The following CDH13 variants were observed in gnomAD, a reference collection of about 807,000 sequenced individuals.
CDH13 encodes cadherin-13.
A neutral mutation model predicts 63.8 loss-of-function variants in CDH13; 24 were observed. The observed-to-expected ratio is 0.38, with a 90% confidence interval of 0.27 to 0.53. The LOEUF is 0.53. Ranked by LOEUF, CDH13 falls within the 20% of genes least tolerant of loss-of-function variation. The pLI, the probability that CDH13 is intolerant of heterozygous loss-of-function variation, is 0.85. For synonymous variants in CDH13, 503 were observed against 355.3 expected, an observed-to-expected ratio of 1.42 and a Z score of -4.67; for missense variants, 1,049 against 903.1, an observed-to-expected ratio of 1.16 and a Z score of -2.07.
chr16:83,555,672 T>A (rs572601431), intron 7 of CDH13, among the ~76,000 whole-genome samples: 1 of 152,358 alleles, frequency 6.6e-6, no homozygotes, highest in Admixed American at 6.5e-5. Flanking sequence ...TTCTGACTTT[T>A]TGAGAAACGC....
Position 83,738,762 on chromosome 16 carries a change from C to T in CDH13, c.1539-9346C>T, listed in dbSNP as rs148803483. On this transcript the variant is annotated intron_variant, in intron 10 of 13. Transcript: ENST00000567109. ...CACTACTAAACATACAAAAATTAGC[C>T]GGGCATGGTTGCACATGCCTGTAAT... 3.7e-3 allele frequency among the ~76,000 whole-genome samples: 556 copies of T among 152,190 alleles called. 6 individuals carry two copies. The highest frequency in any genetic ancestry group is 0.013 in the African/African-American group (530 of 41,518).
chr16:83,191,492 C>CATATAT (rs200931128), intron 4 of CDH13, among the ~76,000 whole-genome samples: 2 of 92,694 alleles, frequency 2.2e-5, no homozygotes, highest in Non-Finnish European at 2.1e-5. Context: ...TATATATGCA[C>CATATAT]ATATATATAT....
chr16:83,688,317 C>G (rs1035534), intron 10 of CDH13, among the ~76,000 whole-genome samples: 66,415 of 152,086 alleles, frequency 0.44, 14,841 homozygotes, highest in Middle Eastern at 0.64. Flanking sequence ...ATTTTGTCAT[C>G]ACTGGCATTC....
intron 5 of CDH13, among the ~76,000 whole-genome samples, chr16:83,257,386 C>G (rs1469955602): frequency 2.6e-5 from 4 of 151,892 alleles, no homozygotes; most frequent in Non-Finnish European, 4.4e-5. Context: ...TCAAGCAGAC[C>G]CCAAAGGCCA....
chr16:83,501,636 T>A (rs1019767182), intron 7 of CDH13, among the ~76,000 whole-genome samples: 1 of 152,198 alleles, frequency 6.6e-6, no homozygotes, highest in Non-Finnish European at 1.5e-5. Flanking sequence ...CCACATCCAT[T>A]CTACTAGGAG....
chr16:83,106,993 A>C (rs371296332), intron 3 of CDH13, among the ~76,000 whole-genome samples: 1 of 152,152 alleles, frequency 6.6e-6, no homozygotes, highest in Non-Finnish European at 1.5e-5. Flanking sequence ...CTGGGCAGAC[A>C]CACACTCAAG....
At chr16:83,532,312 A>C (rs1199607528) in intron 7 of CDH13, among the ~76,000 whole-genome samples, 2 of 152,178 alleles carry the variant, frequency 1.3e-5, no homozygotes, top group Admixed American at 1.3e-4. Context: ...TTCTGTCACC[A>C]CCCTCACCCC....
Position 83,581,791 on chromosome 16 carries a change from C to T in CDH13, c.961-20663C>T, listed in dbSNP as rs9673994. On this transcript the variant is annotated intron_variant, in intron 7 of 13. Transcript: ENST00000567109. ...CCAAAATCATGCTATTGCACTCCAG[C>T]CTGGGTAACAGAGCAAGACCCTGTC... Among the ~76,000 whole-genome samples, 999 of 152,246 alleles carry T rather than the reference C, an allele frequency of 6.6e-3. 11 individuals carry two copies. Among genetic ancestry groups the T allele is most frequent in the African/African-American group, 0.023 (947 of 41,548 alleles).
intron 7 of CDH13, among the ~76,000 whole-genome samples, chr16:83,521,162 C>T (rs200963929): frequency 1.8e-4 from 27 of 152,112 alleles, no homozygotes; most frequent in African/African-American, 4.6e-4. Context: ...TTTGCTAACA[C>T]GTTTTAAATT....
chr16:82,852,991 A>C (rs2039555129), intron 1 of CDH13, among the ~76,000 whole-genome samples: 2 of 152,242 alleles, frequency 1.3e-5, no homozygotes, highest in Non-Finnish European at 1.5e-5. Flanking sequence ...CTTTCTTTTT[A>C]AGAAAGAACG....
At chr16:83,203,643 C>G (rs548377901) in intron 4 of CDH13, among the ~76,000 whole-genome samples, 1 of 102,774 alleles carries the variant, frequency 9.7e-6, no homozygotes, top group East Asian at 3.2e-4. Flanking sequence ...GCCTGGGTGA[C>G]AGAGTGAGAC....
chr16:83,789,738 C>T (rs372018670), intron 13 of CDH13, among the ~76,000 whole-genome samples: 69 of 152,260 alleles, frequency 4.5e-4, no homozygotes, highest in Non-Finnish European at 8.5e-4. Flanking sequence ...GGTAGAATCT[C>T]TTTGATGTTT....
chr16:83,402,850 ATT>A (rs144955258), intron 6 of CDH13, among the ~76,000 whole-genome samples: 1,874 of 152,230 alleles, frequency 0.012, 37 homozygotes, highest in African/African-American at 0.043. Flanking sequence ...TTTCTGTCCC[ATT>A]TCTATTAAAC....
intron 1 of CDH13, among the ~76,000 whole-genome samples, chr16:82,709,031 G>A (rs1391046585): frequency 6.6e-6 from 1 of 152,208 alleles, no homozygotes; most frequent in Non-Finnish European, 1.5e-5. Flanking sequence ...GTGGGGACAG[G>A]CCCAAGGGTA....
chr16:82,813,294 G>T (rs55937308), intron 1 of CDH13, among the ~76,000 whole-genome samples: 2 of 152,190 alleles, frequency 1.3e-5, no homozygotes, highest in Non-Finnish European at 2.9e-5. Context: ...ATGCTGATGC[G>T]TTTAGGGCTT....
At chr16:83,793,600 TG>T (rs1916414106) in intron 13 of CDH13, among the ~76,000 whole-genome samples, 1 of 152,188 alleles carries the variant, frequency 6.6e-6, no homozygotes, top group Non-Finnish European at 1.5e-5. Context: ...GGCTGAGTAA[TG>T]GCCCCCAAAG....
At chr16:83,381,459 C>G (rs1045115835) in intron 6 of CDH13, among the ~76,000 whole-genome samples, 5 of 152,078 alleles carry the variant, frequency 3.3e-5, no homozygotes, top group Admixed American at 3.3e-4. Flanking sequence ...TTTTTTAGCA[C>G]CGAGATCGCA....
intron 5 of CDH13, among the ~76,000 whole-genome samples, chr16:83,326,328 C>T (rs2090360612): frequency 1.3e-5 from 2 of 152,020 alleles, no homozygotes; most frequent in African/African-American, 4.8e-5. Context: ...TTACCTGGGG[C>T]ATATTCTTTA....
chr16:83,573,527 G>A (rs1904835094), intron 7 of CDH13, among the ~76,000 whole-genome samples: 1 of 152,162 alleles, frequency 6.6e-6, no homozygotes, highest in African/African-American at 2.4e-5. Flanking sequence ...ACTAATCAAT[G>A]GCGGCACCTT....
Sources: gnomAD v4.1 joint callset for allele counts (sites outside exome capture counted in the v4.1 genomes callset) on GRCh38, gnomAD v4.1.1 for gene constraint, MANE v1.5 for transcripts, NCBI Gene and HGNC (gene_info 2026-07-23, HGNC 2026-07-21) for gene names.